The following PLEKHM3 variants were observed in gnomAD, a reference collection of about 807,000 sequenced individuals.
The protein encoded by PLEKHM3 is pleckstrin homology domain-containing family M member 3.
PLEKHM3 carries 45 observed loss-of-function variants against 81.8 expected under a neutral mutation model. The observed-to-expected ratio is 0.55, with a 90% CI of 0.43 to 0.71. PLEKHM3 has a LOEUF of 0.71. Among genes scored for constraint, PLEKHM3 ranks in the 30% least tolerant of loss-of-function variants. The pLI is 0.00. For missense variants in PLEKHM3, 788 were observed against 924.3 expected, an observed-to-expected ratio of 0.85 and a Z score of 1.91; for synonymous variants, 352 against 356.4, an observed-to-expected ratio of 0.99 and a Z score of 0.14.
At chr2:207,929,987 G>T in intron 5 of PLEKHM3, 1 of 674,984 alleles carries the variant, frequency 1.5e-6, no homozygotes, top group Non-Finnish European at 2.7e-6. Flanking sequence ...ACTTATGAAC[G>T]CCATCAACAA....
At chr2:207,908,440 T>C (rs1688693299) in intron 6 of PLEKHM3, 74 bp downstream of exon 6, 1 of 1,401,734 alleles carries the variant, frequency 7.1e-7, no homozygotes, top group Admixed American at 2.0e-5. Flanking sequence ...CAGAATACGG[T>C]GCAAAGACCA....
chr2:207,828,185 A>AAT lies in PLEKHM3; in HGVS notation c.*132_*133dup, dbSNP rs1408354098. ...ATAGGTATTTGCGTATATATAAATA[A>AAT]ATATATATATCTATATCTAGTTGAA... On this transcript the variant is annotated 3_prime_UTR_variant, in exon 8 of 8. Coordinates refer to ENST00000427836, the MANE Select transcript of PLEKHM3 (RefSeq NM_001080475.3). The AAT allele has an allele frequency of 9.0e-6, 6 of 666,818 alleles. No individual in the cohort carries two copies. The highest frequency in any genetic ancestry group is 6.0e-5 in the Admixed American group (2 of 33,180). The allele number at this position is 666,818 out of a possible 1,614,324, so 41.3% of individuals were successfully genotyped here.
intron 7 of PLEKHM3, among the ~76,000 whole-genome samples, chr2:207,834,561 G>A (rs2092307342): frequency 6.6e-6 from 1 of 151,906 alleles, no homozygotes; most frequent in Non-Finnish European, 1.5e-5. Flanking sequence ...AACTAGCTGG[G>A]ATTACAGGCA....
chr2:207,930,903 C>A (rs1202459852), intron 5 of PLEKHM3, 23 bp downstream of exon 5: 1 of 1,604,102 alleles, frequency 6.2e-7, no homozygotes, highest in Admixed American at 1.7e-5. Flanking sequence ...AAACGGGAGC[C>A]GTCTGAGATT....
chr2:207,962,073 C>T (rs1030005420), intron 3 of PLEKHM3, among the ~76,000 whole-genome samples: 3 of 152,138 alleles, frequency 2.0e-5, no homozygotes, highest in Admixed American at 1.3e-4. Flanking sequence ...TTGTTATTCA[C>T]GAGCCCCTAA....
chr2:207,957,718 A>T (rs1436678003), intron 3 of PLEKHM3, among the ~76,000 whole-genome samples: 2 of 152,218 alleles, frequency 1.3e-5, no homozygotes, highest in Non-Finnish European at 2.9e-5. Flanking sequence ...ACAAAAAAAA[A>T]GTATGTGGTA....
At chr2:207,962,744 G>A (rs1363747848) in intron 3 of PLEKHM3, among the ~76,000 whole-genome samples, 1 of 152,122 alleles carries the variant, frequency 6.6e-6, no homozygotes, top group East Asian at 1.9e-4. Context: ...AACAGATTAT[G>A]TGCAAATAAA....
At chr2:207,841,197 T>A (rs997810378) in intron 7 of PLEKHM3, among the ~76,000 whole-genome samples, 1 of 151,408 alleles carries the variant, frequency 6.6e-6, no homozygotes, top group Non-Finnish European at 1.5e-5. Context: ...CTGGGCGCGG[T>A]GGCTCACGCC....
chr2:207,838,926 C>T (rs573788021), intron 7 of PLEKHM3, among the ~76,000 whole-genome samples: 11 of 151,942 alleles, frequency 7.2e-5, no homozygotes, highest in Non-Finnish European at 1.6e-4. Context: ...GCCTAAGAGC[C>T]AAAGGGGTGT....
At chr2:207,841,858 A>G (rs1253753733) in intron 7 of PLEKHM3, among the ~76,000 whole-genome samples, 1 of 152,080 alleles carries the variant, frequency 6.6e-6, no homozygotes. Context: ...GTCTCCCTTC[A>G]TGTACATAAA....
At chr2:207,828,589 A>G in intron 7 of PLEKHM3, 93 bp from the exon 8 acceptor site, 3 of 1,235,802 alleles carry the variant, frequency 2.4e-6, no homozygotes, top group Non-Finnish European at 3.4e-6. Flanking sequence ...CTGGTGGCAC[A>G]ATCTACTGTT....
chr2:207,858,974 C>G (rs1473373300), intron 7 of PLEKHM3, among the ~76,000 whole-genome samples: 1 of 152,044 alleles, frequency 6.6e-6, no homozygotes, highest in Non-Finnish European at 1.5e-5. Flanking sequence ...TTCCCCCAAG[C>G]CCTAGACAAC....
Position 207,854,585 on chromosome 2 carries a change from C to T in PLEKHM3, c.2108+6520G>A, listed in dbSNP as rs536912265. Among the ~76,000 whole-genome samples, 3 of 152,160 alleles carry T rather than the reference C, an allele frequency of 2.0e-5. No individual in the cohort carries two copies. The South Asian group carries it at 6.2e-4, about 32-fold the overall frequency. ...TTTAATAAATTTTTTATTAGTGTTT[C>T]TCTTTGCCTTTTCACAGGGTTGTAT... On this transcript the variant is annotated intron_variant, in intron 7 of 7. Transcript: ENST00000427836.
intron 3 of PLEKHM3, among the ~76,000 whole-genome samples, chr2:207,951,605 A>G (rs1214594112): frequency 6.6e-6 from 1 of 152,088 alleles, no homozygotes; most frequent in East Asian, 1.9e-4. Context: ...CTCCCCTCTG[A>G]TACACTCTTG....
At chr2:208,006,717 G>A (rs78781225) in intron 1 of PLEKHM3, among the ~76,000 whole-genome samples, 2,116 of 152,244 alleles carry the variant, frequency 0.014, 39 homozygotes, top group African/African-American at 0.049. Context: ...AGTCAGCAAC[G>A]AACTATTTAT....
chr2:208,010,601 C>T (rs1692657193), intron 1 of PLEKHM3, among the ~76,000 whole-genome samples: 1 of 152,164 alleles, frequency 6.6e-6, no homozygotes, highest in African/African-American at 2.4e-5. Flanking sequence ...CCAACTGCAA[C>T]AGGAGTCACA....
At chr2:207,847,837 G>A (rs1431433270) in intron 7 of PLEKHM3, among the ~76,000 whole-genome samples, 4 of 152,156 alleles carry the variant, frequency 2.6e-5, no homozygotes, top group Non-Finnish European at 4.4e-5. Context: ...GCCACAGAAA[G>A]GAAATATCAT....
chr2:207,897,208 G>A (rs757544099), intron 6 of PLEKHM3, among the ~76,000 whole-genome samples: 50 of 152,246 alleles, frequency 3.3e-4, no homozygotes, highest in Non-Finnish European at 6.0e-4. Context: ...AGCTATAGCA[G>A]GTTTCTATGG....
intron 1 of PLEKHM3, among the ~76,000 whole-genome samples, chr2:208,004,932 T>G (rs1260811014): frequency 6.6e-6 from 1 of 152,186 alleles, no homozygotes; most frequent in East Asian, 1.9e-4. Context: ...TTCAAGCGAT[T>G]CTCCTGCCTC....
Sources: gnomAD v4.1 joint callset for allele counts (sites outside exome capture counted in the v4.1 genomes callset) on GRCh38, gnomAD v4.1.1 for gene constraint, MANE v1.5 for transcripts, NCBI Gene and HGNC (gene_info 2026-07-23, HGNC 2026-07-21) for gene names.